PPP2R2B: variants seen among roughly 807,000 people sequenced by gnomAD.
The protein encoded by PPP2R2B is protein phosphatase 2 regulatory subunit Bbeta.
In PPP2R2B, 5 loss-of-function variants were observed where a neutral mutation model predicts 46.0. The observed-to-expected ratio is 0.11, with a 90% CI of 0.06 to 0.23. The LOEUF (loss-of-function observed/expected upper bound fraction) is 0.23. Among genes scored for constraint, PPP2R2B ranks in the 10% least tolerant of loss-of-function variants. PPP2R2B has a pLI of 1.00. For missense variants in PPP2R2B, 367 were observed against 575.0 expected (o/e 0.64, Z 3.70); for synonymous variants, 215 against 206.7 (o/e 1.04, Z -0.34).
At chr5:146,991,263 T>A (rs904164203) in intron 1 of PPP2R2B, among the ~76,000 whole-genome samples, 7 of 152,156 alleles carry the variant, frequency 4.6e-5, no homozygotes, top group African/African-American at 1.7e-4. Context: ...TGAAGAGACA[T>A]CTGCACTTCC....
intron 5 of PPP2R2B, among the ~76,000 whole-genome samples, chr5:146,668,777 A>G (rs2151118026): frequency 6.6e-6 from 1 of 152,264 alleles, no homozygotes; most frequent in Middle Eastern, 3.4e-3. Context: ...ATTCCCTTCA[A>G]GTTTTCAAGG....
At chr5:146,862,339 T>C (rs11952831) in intron 2 of PPP2R2B, among the ~76,000 whole-genome samples, 1,944 of 152,332 alleles carry the variant, frequency 0.013, 46 homozygotes, top group African/African-American at 0.045. Context: ...GTCCTTTGTA[T>C]GGTAAACTAG....
At chr5:146,608,939 G>A (rs150701659) in intron 7 of PPP2R2B, among the ~76,000 whole-genome samples, 1,930 of 152,238 alleles carry the variant, frequency 0.013, 42 homozygotes, top group African/African-American at 0.044. Context: ...TATGAGGCCA[G>A]TATTACCCTG....
At chr5:146,956,319 C>G (rs984097739) in intron 1 of PPP2R2B, among the ~76,000 whole-genome samples, 1 of 152,046 alleles carries the variant, frequency 6.6e-6, no homozygotes, top group African/African-American at 2.4e-5. Flanking sequence ...AAAACTTTGC[C>G]TGAATTCTTG....
chr5:146,920,806 T>C (rs926449410), intron 1 of PPP2R2B, among the ~76,000 whole-genome samples: 1 of 152,192 alleles, frequency 6.6e-6, no homozygotes, highest in African/African-American at 2.4e-5. Flanking sequence ...TGGGTACGTC[T>C]GCAGTATCCC....
chr5:146,644,172 A>T (rs1775415987), intron 6 of PPP2R2B, among the ~76,000 whole-genome samples: 1 of 151,650 alleles, frequency 6.6e-6, no homozygotes, highest in Non-Finnish European at 1.5e-5. Flanking sequence ...TATCAATAAA[A>T]GAATATCGTA....
chr5:147,064,703 AT>A (rs1561608931), intron 2 of PPP2R2B, among the ~76,000 whole-genome samples: 8 of 152,212 alleles, frequency 5.3e-5, no homozygotes, highest in Admixed American at 6.5e-5. Flanking sequence ...ATATTTGTAA[AT>A]GTGTTTTGAA....
At chr5:147,040,904 TA>T in intron 1 of PPP2R2B, 1 of 393,322 alleles carries the variant, frequency 2.5e-6, no homozygotes, top group South Asian at 1.9e-5. Flanking sequence ...CCTGAGGGCT[TA>T]TCAAGACACA....
At chr5:146,865,071 C>A (rs1457144917) in intron 2 of PPP2R2B, among the ~76,000 whole-genome samples, 1 of 151,986 alleles carries the variant, frequency 6.6e-6, no homozygotes, top group Non-Finnish European at 1.5e-5. Flanking sequence ...TATAACATAA[C>A]CAAATACATT....
chr5:146,690,572 A>G (rs967647827), intron 5 of PPP2R2B, among the ~76,000 whole-genome samples: 1 of 152,218 alleles, frequency 6.6e-6, no homozygotes, highest in Non-Finnish European at 1.5e-5. Flanking sequence ...CCAGCCATAG[A>G]GGAAGGGTTT....
chr5:146,678,387 G>T (rs994266464), intron 5 of PPP2R2B, among the ~76,000 whole-genome samples: 1 of 143,666 alleles, frequency 7.0e-6, no homozygotes, highest in Non-Finnish European at 1.5e-5. Flanking sequence ...TTGATGGGAC[G>T]TATTTCAAAA....
At chr5:146,653,853 T>C (rs1384887361) in intron 5 of PPP2R2B, among the ~76,000 whole-genome samples, 1 of 152,028 alleles carries the variant, frequency 6.6e-6, no homozygotes, top group East Asian at 1.9e-4. Flanking sequence ...ACAGGGGGGA[T>C]GGAGAGCTGA....
intron 1 of PPP2R2B, among the ~76,000 whole-genome samples, chr5:147,017,488 A>G (rs1755060325): frequency 6.6e-6 from 1 of 151,566 alleles, no homozygotes; most frequent in South Asian, 2.1e-4. Context: ...TGTGTAAACT[A>G]ACTCAAGGAT....
At chr5:146,743,283 T>G (rs1256659447) in intron 2 of PPP2R2B, among the ~76,000 whole-genome samples, 1 of 152,130 alleles carries the variant, frequency 6.6e-6, no homozygotes, top group East Asian at 1.9e-4. Flanking sequence ...TCAAATAGGA[T>G]TTTTCAACAT....
chr5:146,913,471 G>A (rs548653621), intron 1 of PPP2R2B, among the ~76,000 whole-genome samples: 2 of 152,124 alleles, frequency 1.3e-5, no homozygotes, highest in East Asian at 1.9e-4. Context: ...AAGAAATAGA[G>A]GCCAACATAT....
chr5:146,988,189 AC>A, intron 1 of PPP2R2B, among the ~76,000 whole-genome samples: 1 of 151,974 alleles, frequency 6.6e-6, no homozygotes, highest in Non-Finnish European at 1.5e-5. Flanking sequence ...TCAACACCCA[AC>A]TTCAGCAATG....
intron 5 of PPP2R2B, among the ~76,000 whole-genome samples, chr5:146,689,472 T>A (rs10056559): frequency 0.17 from 26,130 of 152,074 alleles, 3,414 homozygotes; most frequent in African/African-American, 0.36. Flanking sequence ...GGCGTACAGG[T>A]TTGTAGCCGA....
At chr5:146,805,388 C>T (rs161041) in intron 2 of PPP2R2B, among the ~76,000 whole-genome samples, 19,734 of 152,104 alleles carry the variant, frequency 0.13, 1,384 homozygotes, top group African/African-American at 0.18. Flanking sequence ...TCCTTGAATG[C>T]TGTTTTCAAA....
At chr5:146,972,254 T>A (rs1380834151) in intron 1 of PPP2R2B, among the ~76,000 whole-genome samples, 1 of 152,240 alleles carries the variant, frequency 6.6e-6, no homozygotes, top group Non-Finnish European at 1.5e-5. Flanking sequence ...CCTCCTCATG[T>A]CATATCAGAT....
Sources: allele counts gnomAD v4.1 joint callset (sites outside exome capture counted in the v4.1 genomes callset), GRCh38; gene constraint gnomAD v4.1.1; transcripts MANE v1.5; gene names NCBI Gene and HGNC (gene_info 2026-07-23, HGNC 2026-07-21).